Variants in NAV3 observed in about 807,000 individuals in gnomAD.
NAV3 encodes the protein pore membrane and/or filament interacting like protein 1.
A neutral mutation model predicts 244.7 loss-of-function variants in NAV3; 87 were observed. The ratio of observed to expected loss-of-function variants is 0.36; its 90% CI spans 0.30 to 0.42. The LOEUF (loss-of-function observed/expected upper bound fraction) is 0.42. Among genes scored for constraint, NAV3 ranks in the 20% least tolerant of loss-of-function variants. The pLI is 1.00. For missense variants in NAV3, 2,663 were observed against 2,893.3 expected (o/e 0.92, Z 1.83); for synonymous variants, 1,126 against 1,042.2 (o/e 1.08, Z -1.55).
intron 2 of NAV3, among the ~76,000 whole-genome samples, chr12:77,725,944 T>C (rs1876857283): frequency 1.3e-5 from 2 of 152,080 alleles, no homozygotes; most frequent in South Asian, 4.1e-4. Context: ...ATTTTTTTCA[T>C]GCTGCATCAC....
Position 78,199,585 on chromosome 12 carries a change from A to C in NAV3, c.6715+54A>C, listed in dbSNP as rs1227238804. 1.2e-5 allele frequency: 16 copies of C among 1,308,562 alleles called. No homozygotes were observed. The Middle Eastern group carries it at 6.4e-4, about 52-fold the overall frequency. The allele number at this position is 1,308,562 out of a possible 1,614,324, so 81.1% of individuals were successfully genotyped here. On this transcript the variant is annotated intron_variant, in intron 37 of 39. Coordinates refer to ENST00000397909, the MANE Select transcript of NAV3 (RefSeq NM_001024383.2). ...TTCCAGGAACTAACAGTGCTTGGTA[A>C]AGACGGCCAGATTGGATGGTAGAAA... is the stretch of plus-strand genomic sequence containing the variant.
intron 9 of NAV3, among the ~76,000 whole-genome samples, chr12:78,032,912 C>T (rs971301282): frequency 7.3e-5 from 11 of 150,964 alleles, no homozygotes; most frequent in Admixed American, 2.0e-4. Context: ...CACACTTGCC[C>T]TTTTTTTTTG....
intron 3 of NAV3, among the ~76,000 whole-genome samples, chr12:77,963,976 TCCTCCTCCCTCCTCCTC>T (rs1201517321): frequency 9.3e-5 from 12 of 129,316 alleles, no homozygotes; most frequent in East Asian, 2.5e-4. Context: ...ACCCTCCCCT[TCCTCCTCCCTCCTCCTC>T]CCTCCTCCCT....
chr12:77,657,542 G>C (rs2137018815), intron 2 of NAV3, among the ~76,000 whole-genome samples: 1 of 152,218 alleles, frequency 6.6e-6, no homozygotes, highest in South Asian at 2.1e-4. Context: ...GGAGGAACTG[G>C]TACCATTCCT....
At chr12:77,626,308 C>T (rs1248016873) in intron 2 of NAV3, among the ~76,000 whole-genome samples, 5 of 151,726 alleles carry the variant, frequency 3.3e-5, no homozygotes, top group Non-Finnish European at 7.4e-5. Context: ...ACATATGGGC[C>T]TATGGGACAC....
rs577280359 is a variant in NAV3 at position 77,768,269 on chromosome 12, C to T, written c.73-172050C>T. ...CTGGACTCCATCTGGAACTGAGTGC[C>T]AGGCTACCAGGCTTCAGGCTGTCCC... On this transcript the variant is annotated intron_variant, in intron 2 of 8. Transcript: ENST00000550042. Among the ~76,000 whole-genome samples, 4 of 152,310 alleles carry T rather than the reference C, an allele frequency of 2.6e-5. No individual in the cohort carries two copies. In the East Asian group the frequency reaches 5.8e-4, roughly 22 times the overall value.
chr12:77,776,421 C>T (rs1368087824), intron 2 of NAV3, among the ~76,000 whole-genome samples: 1 of 152,164 alleles, frequency 6.6e-6, no homozygotes, highest in Non-Finnish European at 1.5e-5. Context: ...AGGCTGTAGT[C>T]CCTCTATAGG....
intron 2 of NAV3, among the ~76,000 whole-genome samples, chr12:77,646,240 GA>G (rs1200436297): frequency 1.3e-5 from 2 of 152,052 alleles, no homozygotes; most frequent in Admixed American, 1.3e-4. Context: ...CTAATTAAAA[GA>G]CAAGTCCAAA....
At chr12:77,952,675 T>C (rs11107532) in intron 3 of NAV3, among the ~76,000 whole-genome samples, 5,247 of 152,218 alleles carry the variant, frequency 0.034, 143 homozygotes, top group Admixed American at 0.062. Context: ...GATTGCTCTT[T>C]CTAAAAAAAA....
chr12:77,996,345 A>G (rs1250301755), intron 6 of NAV3, among the ~76,000 whole-genome samples: 2 of 152,202 alleles, frequency 1.3e-5, no homozygotes, highest in African/African-American at 4.8e-5. Context: ...ATTATGCTGT[A>G]CTTACAAACC....
intron 1 of NAV3, among the ~76,000 whole-genome samples, chr12:77,886,502 A>G (rs190244365): frequency 3.3e-5 from 5 of 152,260 alleles, no homozygotes; most frequent in Non-Finnish European, 1.5e-5. Context: ...GATTATTTCA[A>G]TTTAAAATTA....
At chr12:77,680,094 G>A (rs964551172) in intron 2 of NAV3, among the ~76,000 whole-genome samples, 4 of 152,094 alleles carry the variant, frequency 2.6e-5, no homozygotes, top group African/African-American at 9.7e-5. Flanking sequence ...ACTGAGGGAG[G>A]AAGAAAGTTA....
chr12:77,973,021 T>A (rs17044649), intron 5 of NAV3, among the ~76,000 whole-genome samples: 1 of 151,978 alleles, frequency 6.6e-6, no homozygotes, highest in Non-Finnish European at 1.5e-5. Flanking sequence ...TTAATTTTTC[T>A]TATGTACTGA....
chr12:77,941,152 C>G lies in NAV3; in HGVS notation c.414+19C>G. 1 of 1,412,184 alleles carries G rather than the reference C, an allele frequency of 7.1e-7. No individual in the cohort carries two copies. The highest frequency in any genetic ancestry group is 9.8e-7 in the Non-Finnish European group (1 of 1,017,450). The allele number at this position is 1,412,184 out of a possible 1,614,324, so 87.5% of individuals were successfully genotyped here. On this transcript the variant is annotated intron_variant, in intron 3 of 39. Coordinates refer to ENST00000397909, the MANE Select transcript of NAV3 (RefSeq NM_001024383.2). ...TCAGATGGTAAGAATCATATTTATT[C>G]TCAATATATAATGCTGATCTTCACT...
chr12:77,749,840 T>TAAAA (rs1169417014), intron 2 of NAV3, among the ~76,000 whole-genome samples: 53 of 152,184 alleles, frequency 3.5e-4, no homozygotes, highest in Non-Finnish European at 1.5e-4. Context: ...TAAAAGAGGC[T>TAAAA]GACCAGGTGT....
chr12:78,114,631 C>T (rs2138470167), intron 12 of NAV3, among the ~76,000 whole-genome samples: 1 of 152,248 alleles, frequency 6.6e-6, no homozygotes, highest in East Asian at 1.9e-4. Flanking sequence ...CCATTACCTC[C>T]CAACGGGTTC....
intron 3 of NAV3, among the ~76,000 whole-genome samples, chr12:77,951,904 A>G (rs1890925287): frequency 6.6e-6 from 1 of 151,922 alleles, no homozygotes; most frequent in African/African-American, 2.4e-5. Context: ...AACATCACAC[A>G]CCAGGGTCTG....
At position 77,686,615 on chromosome 12, in the gene NAV3, C is replaced by T. The variant is rs537955549; in HGVS notation, c.72+114349C>T. Among the ~76,000 whole-genome samples the T allele has an allele frequency of 2.8e-4, 43 of 152,014 alleles. No individual in the cohort carries two copies. In the South Asian group the frequency reaches 8.7e-3, roughly 31 times the overall value. Reference sequence around the variant, plus strand: ...CCATGACACACAGCATCCATAGGTGCTCAGTACTTTTCATGTATTATTTCA... The same window carrying T: ...CCATGACACACAGCATCCATAGGTGTTCAGTACTTTTCATGTATTATTTCA... On this transcript the variant is annotated intron_variant, in intron 2 of 8. Transcript: ENST00000550042.
At chr12:77,869,577 CTT>C (rs1880629118) in intron 1 of NAV3, among the ~76,000 whole-genome samples, 1 of 152,132 alleles carries the variant, frequency 6.6e-6, no homozygotes, top group African/African-American at 2.4e-5. Context: ...TTCCATTACT[CTT>C]AACCTCGTTA....
Sources: allele counts gnomAD v4.1 joint callset (sites outside exome capture counted in the v4.1 genomes callset), GRCh38; gene constraint gnomAD v4.1.1; transcripts MANE v1.5; gene names NCBI Gene and HGNC (gene_info 2026-07-23, HGNC 2026-07-21).